The following PHF11 variants were observed in gnomAD, a reference collection of about 807,000 sequenced individuals.
The protein encoded by PHF11 is PHD finger protein 11.
PHF11 carries 38 observed loss-of-function variants against 40.5 expected under a neutral mutation model. The observed-to-expected ratio is 0.94, with a 90% CI of 0.72 to 1.23. PHF11 has a LOEUF of 1.23. Ranked by LOEUF, PHF11 falls within the 50% of genes most tolerant of loss-of-function variation. The pLI is 0.00. For synonymous variants in PHF11, 127 were observed against 138.2 expected (o/e 0.92, Z 0.57); for missense variants, 369 against 392.4 (o/e 0.94, Z 0.50).
At chr13:49,501,991 A>G (rs895402576) in intron 1 of PHF11, among the ~76,000 whole-genome samples, 7 of 151,334 alleles carry the variant, frequency 4.6e-5, no homozygotes, top group Non-Finnish European at 8.8e-5. Flanking sequence ...GCGCCCGGCC[A>G]ATATTTTAAT....
At chr13:49,520,052 TTTTG>T (rs1959180189) in intron 4 of PHF11, among the ~76,000 whole-genome samples, 4 of 151,834 alleles carry the variant, frequency 2.6e-5, no homozygotes, top group Non-Finnish European at 5.9e-5. Flanking sequence ...ATTTCTTTTG[TTTTG>T]TTTTGTTTTA....
intron 7 of PHF11, chr13:49,523,536 T>A (rs1594222720): frequency 2.5e-6 from 1 of 400,590 alleles, no homozygotes; most frequent in East Asian, 5.3e-5. Context: ...CCCCTCACAC[T>A]GTGACCCCTG....
intron 7 of PHF11, chr13:49,523,525 A>AT (rs1432471695): frequency 2.3e-6 from 1 of 429,160 alleles, no homozygotes; most frequent in African/African-American, 2.1e-5. Context: ...GCAATGTGTC[A>AT]CCCCTCACAC....
intron 1 of PHF11, among the ~76,000 whole-genome samples, chr13:49,504,924 T>G (rs1021552036): frequency 1.3e-5 from 2 of 149,404 alleles, no homozygotes; most frequent in Admixed American, 1.3e-4. Context: ...CCCCCAACCC[T>G]GTGCTCTCTG....
intron 4 of PHF11, among the ~76,000 whole-genome samples, chr13:49,520,442 G>C (rs890942406): frequency 2.6e-5 from 4 of 152,246 alleles, no homozygotes; most frequent in Non-Finnish European, 5.9e-5. Flanking sequence ...TCTAAGATCT[G>C]GGGCAAATAC....
At chr13:49,521,303 C>T (rs1395131490) in intron 5 of PHF11, 2 of 999,472 alleles carry the variant, frequency 2.0e-6, no homozygotes, top group African/African-American at 3.5e-5. Flanking sequence ...AGTGAAAATT[C>T]CCTAAGGATG....
intron 2 of PHF11, among the ~76,000 whole-genome samples, chr13:49,510,914 C>T (rs939329264): frequency 6.6e-6 from 1 of 152,170 alleles, no homozygotes; most frequent in Non-Finnish European, 1.5e-5. Flanking sequence ...TGTTGAGACC[C>T]ATGCAACCAC....
At chr13:49,501,963 T>G (rs1958915412) in intron 1 of PHF11, among the ~76,000 whole-genome samples, 1 of 151,894 alleles carries the variant, frequency 6.6e-6, no homozygotes, top group Non-Finnish European at 1.5e-5. Context: ...AGTGCTGGGA[T>G]TACAGGTGTG....
intron 7 of PHF11, 174 bp from the exon 8 acceptor site, chr13:49,523,911 C>A: frequency 2.5e-6 from 1 of 393,842 alleles, no homozygotes; most frequent in Non-Finnish European, 4.4e-6. Flanking sequence ...TTCAGCTGGC[C>A]AAAAAAAATG....
intron 5 of PHF11, chr13:49,521,379 A>G (rs1184796068): frequency 1.0e-6 from 1 of 987,992 alleles, no homozygotes; most frequent in Non-Finnish European, 1.2e-6. Context: ...CATGGGGTAT[A>G]CTTTCATTCA....
At chr13:49,516,759 G>GT (rs1177913710) in intron 3 of PHF11, among the ~76,000 whole-genome samples, 1 of 151,690 alleles carries the variant, frequency 6.6e-6, no homozygotes. Context: ...GATTTTTAAA[G>GT]TTTTTTGTAG....
intron 8 of PHF11, 39 bp downstream of exon 8, chr13:49,524,255 C>A: frequency 1.3e-6 from 2 of 1,483,718 alleles, no homozygotes; most frequent in Non-Finnish European, 1.8e-6. Flanking sequence ...ATAGAGACTT[C>A]TCCCAGATCT....
chr13:49,509,849 A>G (rs1234820120), intron 2 of PHF11, among the ~76,000 whole-genome samples: 1 of 152,180 alleles, frequency 6.6e-6, no homozygotes, highest in African/African-American at 2.4e-5. Flanking sequence ...TTTATAAATT[A>G]CCCAGTCTTG....
At chr13:49,520,167 G>A (rs1566195291) in intron 4 of PHF11, among the ~76,000 whole-genome samples, 2 of 152,156 alleles carry the variant, frequency 1.3e-5, no homozygotes, top group Non-Finnish European at 2.9e-5. Flanking sequence ...TCCTGCCTCA[G>A]CCTCCTGAGT....
At chr13:49,516,219 C>T (rs368017658) in intron 3 of PHF11, among the ~76,000 whole-genome samples, 2 of 152,040 alleles carry the variant, frequency 1.3e-5, no homozygotes, top group East Asian at 1.9e-4. Flanking sequence ...CTTTGTGAGA[C>T]GTTTTAAACT....
intron 5 of PHF11, chr13:49,521,418 C>T (rs1450286702): frequency 1.0e-6 from 1 of 986,560 alleles, no homozygotes. Context: ...CTTAGCAGCA[C>T]TACATCTGCA....
chr13:49,521,066 A>T, intron 5 of PHF11, 126 bp downstream of exon 5: 1 of 1,390,470 alleles, frequency 7.2e-7, no homozygotes, highest in South Asian at 1.7e-5. Flanking sequence ...AATTTTACAC[A>T]TCTAGAAAAT....
At chr13:49,526,231 C>T in intron 8 of PHF11, 156 bp from the exon 9 acceptor site, 1 of 592,808 alleles carries the variant, frequency 1.7e-6, no homozygotes. Context: ...CTGACAGCTT[C>T]CCTGTAGTGC....
chr13:49,521,991 C>G (rs2274277), intron 5 of PHF11, 52 bp from the exon 6 acceptor site: 246,075 of 875,564 alleles, frequency 0.28, 36,885 homozygotes, highest in East Asian at 0.37. Context: ...TGTAGTCAAA[C>G]AGTAATCTTT....
Sources: gnomAD v4.1 joint callset for allele counts (sites outside exome capture counted in the v4.1 genomes callset) on GRCh38, gnomAD v4.1.1 for gene constraint, MANE v1.5 for transcripts, NCBI Gene and HGNC (gene_info 2026-07-23, HGNC 2026-07-21) for gene names.